ESRP1: variants seen among roughly 807,000 people sequenced by gnomAD.
ESRP1 encodes the protein RNA-binding motif protein 35A.
Under a neutral mutation model 81.7 loss-of-function variants are expected in ESRP1, and 33 were observed. The ratio of observed to expected loss-of-function variants is 0.40; its 90% CI spans 0.31 to 0.54. The LOEUF (loss-of-function observed/expected upper bound fraction) is 0.54. ESRP1 is among the 20% of genes least tolerant of loss of function. ESRP1 has a pLI of 0.41. For synonymous variants in ESRP1, 320 were observed against 303.3 expected (o/e 1.06, Z -0.57); for missense variants, 672 against 833.1 (o/e 0.81, Z 2.38).
chr8:94,642,840 T>A (rs961529927), intron 2 of ESRP1, among the ~76,000 whole-genome samples: 7 of 152,160 alleles, frequency 4.6e-5, no homozygotes, highest in African/African-American at 1.7e-4. Flanking sequence ...AGCTTCGAGT[T>A]ATAGGAGAAA....
chr8:94,707,092 A>C lies in ESRP1; in HGVS notation c.*1203A>C, dbSNP rs1485739070. The C allele has an allele frequency of 1.3e-5, 2 of 152,200 alleles. No individual in the cohort carries two copies. Among genetic ancestry groups the C allele is most frequent in the Non-Finnish European group, 2.9e-5 (2 of 68,036 alleles). The allele number at this position is 152,200 out of a possible 1,614,324, so 9.4% of individuals were successfully genotyped here. A position where few individuals can be genotyped will look rare whatever the true frequency, so the allele number is the denominator to read the frequency against. ...AAACAGGATTTCATTAAGTGCATTG[A>C]ATGTGGATATTTCTCTAAGTTACTC... On this transcript the variant is annotated 3_prime_UTR_variant, in exon 16 of 16. Transcript: ENST00000433389.
chr8:94,666,073 T>A (rs909213094), intron 9 of ESRP1, among the ~76,000 whole-genome samples: 26 of 152,220 alleles, frequency 1.7e-4, no homozygotes, highest in Non-Finnish European at 3.1e-4. Context: ...TTTGTCTGAT[T>A]TTTTTCTATA....
intron 13 of ESRP1, chr8:94,688,365 A>C (rs745597860): frequency 3.7e-6 from 1 of 272,468 alleles, no homozygotes; most frequent in Non-Finnish European, 7.1e-6. Flanking sequence ...CATGGTTACA[A>C]TGGCGAATTT....
intron 10 of ESRP1, among the ~76,000 whole-genome samples, chr8:94,669,977 A>G (rs1340917129): frequency 6.6e-6 from 1 of 152,140 alleles, no homozygotes; most frequent in Non-Finnish European, 1.5e-5. Flanking sequence ...CATTCTTCCC[A>G]AACCAGGAGA....
At chr8:94,682,575 C>T (rs923038521) in intron 13 of ESRP1, among the ~76,000 whole-genome samples, 4 of 150,652 alleles carry the variant, frequency 2.7e-5, no homozygotes, top group Non-Finnish European at 5.9e-5. Flanking sequence ...CTTTGTTGCC[C>T]ACGCTGGTCT....
chr8:94,677,446 A>C (rs967128067), intron 12 of ESRP1, among the ~76,000 whole-genome samples: 3 of 152,324 alleles, frequency 2.0e-5, no homozygotes, highest in African/African-American at 7.2e-5. Flanking sequence ...TAAACCTAGA[A>C]GATGTTTGAT....
intron 13 of ESRP1, among the ~76,000 whole-genome samples, chr8:94,684,724 C>T (rs569709878): frequency 6.6e-6 from 1 of 152,146 alleles, no homozygotes; most frequent in Non-Finnish European, 1.5e-5. Flanking sequence ...TTTCTCTAAC[C>T]ATACATATGA....
intron 14 of ESRP1, among the ~76,000 whole-genome samples, chr8:94,693,109 G>A (rs1809470610): frequency 6.6e-6 from 1 of 152,156 alleles, no homozygotes; most frequent in Non-Finnish European, 1.5e-5. Context: ...AGCTCTTTAG[G>A]ACATGCAGCA....
At chr8:94,690,864 G>GT (rs1243104828) in intron 13 of ESRP1, among the ~76,000 whole-genome samples, 2 of 152,190 alleles carry the variant, frequency 1.3e-5, no homozygotes, top group Non-Finnish European at 2.9e-5. Context: ...TGGTCTTTGA[G>GT]TATTAGACTT....
At chr8:94,695,063 G>T (rs1809543331) in intron 14 of ESRP1, among the ~76,000 whole-genome samples, 1 of 152,156 alleles carries the variant, frequency 6.6e-6, no homozygotes, top group African/African-American at 2.4e-5. Flanking sequence ...CCGTCTTGAA[G>T]AGTACATGCC....
chr8:94,671,513 G>A lies in ESRP1; in HGVS notation c.1294G>A (p.Val432Ile). The A allele has an allele frequency of 1.2e-6, 2 of 1,613,754 alleles. No individual in the cohort carries two copies. Among genetic ancestry groups the A allele is most frequent in the Non-Finnish European group, 1.7e-6 (2 of 1,179,836 alleles). Residue 432 changes from valine (V) to isoleucine (I), a missense_variant, in exon 11 of 16, where the codon GTA becomes ATA. Coordinates refer to ENST00000433389, the MANE Select transcript of ESRP1 (RefSeq NM_017697.4). ...ACTTCCAACCCCTCCCATTATTCCA[G>A]TACTACCTCAGCAATTTGTGCCCCC... ...IPLPTPPIIPVLPQQFVPPTN... is the reference protein window; with the variant it reads ...IPLPTPPIIPILPQQFVPPTN...
intron 15 of ESRP1, among the ~76,000 whole-genome samples, chr8:94,704,766 GAAAA>G (rs10618511): frequency 9.2e-6 from 1 of 108,752 alleles, no homozygotes; most frequent in Non-Finnish European, 1.8e-5. Flanking sequence ...ATCTCTTTTT[GAAAA>G]AAAAAAAAAA....
At position 94,700,928 on chromosome 8, in the gene ESRP1, CA is replaced by C. The variant is rs1228614548; in HGVS notation, c.*35+3976del. ...TGGGCAACAGAGCAAGACTCCGACT[CA>C]AAAAAAAATGTGTGTGTGTGTGTAT... On this transcript the variant is annotated intron_variant, in intron 15 of 15. Transcript: ENST00000433389. Among the ~76,000 whole-genome samples the C allele has an allele frequency of 1.2e-4, 17 of 136,772 alleles. No individual in the cohort carries two copies. In the South Asian group the frequency reaches 3.0e-3, roughly 24 times the overall value. The allele number at this position is 136,772 out of a possible 152,430, so 89.7% of individuals were successfully genotyped here. A position where few individuals can be genotyped will look rare whatever the true frequency, so the allele number is the denominator to read the frequency against.
At chr8:94,682,932 A>ATATAT (rs1808974140) in intron 13 of ESRP1, among the ~76,000 whole-genome samples, 70 of 18,096 alleles carry the variant, frequency 3.9e-3, no homozygotes, top group African/African-American at 6.2e-3. Context: ...ATATATATAT[A>ATATAT]TTTTTTTTTT....
chr8:94,674,282 T>C (rs748391069), intron 11 of ESRP1, 26 bp from the exon 12 acceptor site: 1 of 1,601,664 alleles, frequency 6.2e-7, no homozygotes, highest in East Asian at 2.2e-5. Flanking sequence ...TCTCCTTTTG[T>C]TTTTATTCTT....
In ESRP1 at chr8:94,705,902, ACTT is replaced by A. The variant is rs1810052267; in HGVS notation, c.*36-22_*36-20del. Reference sequence around the variant, plus strand: ...GAGACTATAACATTTCCTTTTATTCACTTTTTTTTTTTTTTTTTTCAGTGTTTG... The same window carrying A: ...GAGACTATAACATTTCCTTTTATTCATTTTTTTTTTTTTTTTCAGTGTTTG... On this transcript the variant is annotated intron_variant, in intron 15 of 15. Coordinates refer to ENST00000433389, the MANE Select transcript of ESRP1 (RefSeq NM_017697.4). The A allele has an allele frequency of 8.3e-7, 1 of 1,207,576 alleles. No homozygotes were observed. Among genetic ancestry groups the A allele is most frequent in the Admixed American group, 3.4e-5 (1 of 29,544 alleles). 74.8% of individuals were successfully genotyped at this position (1,207,576 alleles called of 1,614,324 possible). A position where few individuals can be genotyped will look rare whatever the true frequency, so the allele number is the denominator to read the frequency against.
intron 15 of ESRP1, among the ~76,000 whole-genome samples, chr8:94,704,198 A>G (rs1303333501): frequency 8.1e-6 from 1 of 124,064 alleles, no homozygotes; most frequent in Non-Finnish European, 1.6e-5. Flanking sequence ...TTTTGCTAGC[A>G]GTTAGGAGTC....
chr8:94,706,571 C>T lies in ESRP1; in HGVS notation c.*682C>T, dbSNP rs1810077108. On this transcript the variant is annotated 3_prime_UTR_variant, in exon 16 of 16. Coordinates refer to ENST00000433389, the MANE Select transcript of ESRP1 (RefSeq NM_017697.4). The stretch of plus-strand genomic sequence containing the variant: ...TTAAAAGTTTGGATCTTTTTCTCAG[C>T]AGGTATCAGTTGTAAATAATGAATT... 6.6e-6 allele frequency: 1 copy of T among 152,580 alleles called. No individual in the cohort carries two copies. Among genetic ancestry groups the T allele is most frequent in the African/African-American group, 2.4e-5 (1 of 41,416 alleles). 9.5% of individuals were successfully genotyped at this position (152,580 alleles called of 1,614,324 possible).
At position 94,692,686 on chromosome 8, in the gene ESRP1, T is replaced by G. The variant is rs1217587131; in HGVS notation, c.1830T>G (p.Gly610=). ...NYTAYYPSPP[G]SPNSLGYFPT... ...CTTTCTCTCCCTTTAGCCCCCCAGG[T>G]TCGCCTAATAGTCTTGGCTACTTCC... The change falls in exon 14 of 16, where the codon GGT becomes GGG. Residue 610 remains glycine, a synonymous_variant. Coordinates refer to ENST00000433389, the MANE Select transcript of ESRP1 (RefSeq NM_017697.4). 1 of 1,613,482 alleles carries G rather than the reference T, an allele frequency of 6.2e-7. No homozygotes were observed. Among genetic ancestry groups the G allele is most frequent in the East Asian group, 2.2e-5 (1 of 44,888 alleles).
Sources: gnomAD v4.1 joint callset for allele counts (sites outside exome capture counted in the v4.1 genomes callset) on GRCh38, gnomAD v4.1.1 for gene constraint, MANE v1.5 for transcripts, NCBI Gene and HGNC (gene_info 2026-07-23, HGNC 2026-07-21) for gene names.